CNTN4: variants seen among roughly 807,000 people sequenced by gnomAD.
CNTN4 encodes contactin-4.
A neutral mutation model predicts 122.5 loss-of-function variants in CNTN4; 77 were observed. That is an observed-to-expected ratio of 0.63 (90% CI 0.52 to 0.76). CNTN4 has a LOEUF of 0.76. Among genes scored for constraint, CNTN4 ranks in the 30% least tolerant of loss-of-function variants. The pLI, the probability that CNTN4 is intolerant of heterozygous loss-of-function variation, is 0.00. For missense variants in CNTN4, 1,256 were observed against 1,259.1 expected, an observed-to-expected ratio of 1.00 and a Z score of 0.04; for synonymous variants, 512 against 447.0, an observed-to-expected ratio of 1.15 and a Z score of -1.83.
chr3:2,326,912 T>C (rs1429612292), intron 2 of CNTN4, among the ~76,000 whole-genome samples: 2 of 152,188 alleles, frequency 1.3e-5, no homozygotes, highest in Non-Finnish European at 2.9e-5. Flanking sequence ...CTCTTACTAG[T>C]TGACTATCCA....
intron 3 of CNTN4, among the ~76,000 whole-genome samples, chr3:2,475,924 A>T (rs2075822650): frequency 6.6e-6 from 1 of 152,170 alleles, no homozygotes; most frequent in Non-Finnish European, 1.5e-5. Context: ...TATAGGTGAA[A>T]TTCTGAAATA....
intron 2 of CNTN4, among the ~76,000 whole-genome samples, chr3:2,210,926 A>T (rs1384389687): frequency 2.0e-5 from 3 of 152,252 alleles, no homozygotes; most frequent in African/African-American, 7.2e-5. Context: ...TGTTTAGCCC[A>T]TAAAACAATT....
At chr3:3,033,942 A>G (rs1699388205) in intron 16 of CNTN4, among the ~76,000 whole-genome samples, 1 of 152,226 alleles carries the variant, frequency 6.6e-6, no homozygotes, top group Admixed American at 6.5e-5. Flanking sequence ...TGCAGAAACT[A>G]CAGATGAGGG....
intron 2 of CNTN4, among the ~76,000 whole-genome samples, chr3:2,296,383 G>A (rs566493603): frequency 1.3e-5 from 2 of 152,158 alleles, no homozygotes; most frequent in East Asian, 1.9e-4. Context: ...TCCTTGAAGA[G>A]GTCCTTTACA....
intron 9 of CNTN4, among the ~76,000 whole-genome samples, chr3:2,886,434 A>G (rs1559620365): frequency 6.6e-6 from 1 of 151,884 alleles, no homozygotes; most frequent in South Asian, 2.1e-4. Flanking sequence ...AAGAAAAGCA[A>G]AAAACATATG....
intron 13 of CNTN4, among the ~76,000 whole-genome samples, chr3:2,943,110 A>T (rs1192307633): frequency 6.6e-6 from 1 of 152,116 alleles, no homozygotes; most frequent in Non-Finnish European, 1.5e-5. Flanking sequence ...CGTGAGGGCA[A>T]ATGTCAGAAT....
At chr3:2,446,865 G>T (rs2048644023) in intron 3 of CNTN4, among the ~76,000 whole-genome samples, 1 of 152,136 alleles carries the variant, frequency 6.6e-6, no homozygotes, top group African/African-American at 2.4e-5. Context: ...GTTAAATCCA[G>T]CCTGCTAGCC....
intron 3 of CNTN4, among the ~76,000 whole-genome samples, chr3:2,417,632 A>AT (rs908261092): frequency 2.1e-4 from 32 of 152,320 alleles, no homozygotes; most frequent in African/African-American, 7.5e-4. Context: ...ACTCCTTGAG[A>AT]TTTACCCGAA....
At chr3:2,577,788 G>A (rs900740613) in intron 4 of CNTN4, among the ~76,000 whole-genome samples, 7 of 152,172 alleles carry the variant, frequency 4.6e-5, no homozygotes, top group Admixed American at 3.9e-4. Flanking sequence ...CAAGAGGCGT[G>A]AAGACATTTA....
intron 6 of CNTN4, among the ~76,000 whole-genome samples, chr3:2,763,406 C>T (rs961160388): frequency 1.3e-5 from 2 of 152,124 alleles, no homozygotes; most frequent in Admixed American, 6.5e-5. Context: ...ACATAGTTTG[C>T]GAAGACTTTC....
chr3:2,513,183 G>C (rs945977030), intron 3 of CNTN4, among the ~76,000 whole-genome samples: 1 of 152,148 alleles, frequency 6.6e-6, no homozygotes, highest in Non-Finnish European at 1.5e-5. Context: ...GAAATCTGAA[G>C]TAACGGCAAG....
intron 14 of CNTN4, among the ~76,000 whole-genome samples, chr3:2,994,384 T>G (rs1695333515): frequency 6.6e-6 from 1 of 152,054 alleles, no homozygotes; most frequent in South Asian, 2.1e-4. Context: ...TTTAAGTAGC[T>G]TTAATAGAAA....
At chr3:2,966,184 T>A (rs1190716622) in intron 13 of CNTN4, among the ~76,000 whole-genome samples, 2 of 152,192 alleles carry the variant, frequency 1.3e-5, no homozygotes, top group Non-Finnish European at 2.9e-5. Context: ...TATCAAATTT[T>A]AAAAATAAAT....
At chr3:2,739,953 T>C (rs1440205036) in intron 5 of CNTN4, among the ~76,000 whole-genome samples, 1 of 152,232 alleles carries the variant, frequency 6.6e-6, no homozygotes, top group East Asian at 1.9e-4. Context: ...ATCTTTGGCA[T>C]GGGGATTTTA....
rs2094164415 is a variant in CNTN4 at position 2,900,777 on chromosome 3, C to G, written c.1033C>G (p.Pro345Ala). The change falls in exon 11 of 25, where the codon CCT becomes GCT. Residue 345 changes from proline (P) to alanine (A), a missense_variant. By Grantham distance (27) the Pro-to-Ala change is conservative (BLOSUM62 -1). Transcript: ENST00000418658. Reference sequence around the variant, plus strand: ...ATGTAAAGCAAATGGAAGGCCTAAGCCTACATACAAGTGGCTAAAAAATGG... The same window carrying G: ...ATGTAAAGCAAATGGAAGGCCTAAGGCTACATACAAGTGGCTAAAAAATGG... The part of the protein sequence containing the change: ...WECKANGRPK[P>A]TYKWLKNGEP... 6.2e-7 allele frequency: 1 copy of G among 1,613,920 alleles called. No individual in the cohort carries two copies. Among genetic ancestry groups the G allele is most frequent in the Non-Finnish European group, 8.5e-7 (1 of 1,179,822 alleles).
chr3:2,525,301 A>G (rs2077362258), intron 3 of CNTN4, among the ~76,000 whole-genome samples: 1 of 152,182 alleles, frequency 6.6e-6, no homozygotes, highest in African/African-American at 2.4e-5. Flanking sequence ...TAAACATGTT[A>G]GTGCTCTGAG....
intron 3 of CNTN4, among the ~76,000 whole-genome samples, chr3:2,383,981 AC>A (rs1350077213): frequency 1.3e-5 from 2 of 152,138 alleles, no homozygotes; most frequent in African/African-American, 4.8e-5. Flanking sequence ...GATACCTATG[AC>A]TGACTGTAAT....
At chr3:2,988,801 G>A (rs1280541025) in intron 14 of CNTN4, 3 of 299,100 alleles carry the variant, frequency 1.0e-5, no homozygotes, top group Non-Finnish European at 1.9e-5. Context: ...TCATGTCTAG[G>A]AACACTATTC....
chr3:2,907,801 T>A (rs946148313), intron 12 of CNTN4, among the ~76,000 whole-genome samples: 9 of 152,198 alleles, frequency 5.9e-5, no homozygotes, highest in Non-Finnish European at 1.0e-4. Context: ...TTAATGTGTA[T>A]GTAACATGTC....
Sources: gnomAD v4.1 joint callset for allele counts (sites outside exome capture counted in the v4.1 genomes callset) on GRCh38, gnomAD v4.1.1 for gene constraint, MANE v1.5 for transcripts, NCBI Gene and HGNC (gene_info 2026-07-23, HGNC 2026-07-21) for gene names.